The following INO80 variants were observed in gnomAD, a reference collection of about 807,000 sequenced individuals.
The protein encoded by INO80 is chromatin-remodeling ATPase INO80.
INO80 carries 20 observed loss-of-function variants against 203.4 expected under a neutral mutation model. The observed-to-expected ratio is 0.10, with a 90% CI of 0.07 to 0.14. The LOEUF (loss-of-function observed/expected upper bound fraction) is 0.14, where lower values mean the gene tolerates loss of function less well. Ranked by LOEUF, INO80 falls within the 10% of genes least tolerant of loss-of-function variation. INO80 has a pLI of 1.00. For missense variants in INO80, 1,419 were observed against 1,914.4 expected, an observed-to-expected ratio of 0.74 and a Z score of 4.83; for synonymous variants, 726 against 685.2, an observed-to-expected ratio of 1.06 and a Z score of -0.93.
chr15:41,080,533 G>A (rs1402952636), intron 8 of INO80, among the ~76,000 whole-genome samples: 2 of 152,196 alleles, frequency 1.3e-5, no homozygotes, highest in East Asian at 3.9e-4. Flanking sequence ...TCAAATACCA[G>A]AAATGTGAGG....
chr15:41,079,061 T>C (rs1021865850), intron 9 of INO80, among the ~76,000 whole-genome samples: 1 of 152,158 alleles, frequency 6.6e-6, no homozygotes, highest in African/African-American at 2.4e-5. Flanking sequence ...ATTGCTTGAA[T>C]GTGGGAGGCA....
intron 29 of INO80, among the ~76,000 whole-genome samples, chr15:40,995,185 T>C: frequency 6.6e-6 from 1 of 152,210 alleles, no homozygotes; most frequent in African/African-American, 2.4e-5. Flanking sequence ...CTTCCTTCCA[T>C]TGTTGAGGCC....
At chr15:41,054,528 T>C (rs1199501282) in intron 18 of INO80, among the ~76,000 whole-genome samples, 11 of 152,112 alleles carry the variant, frequency 7.2e-5, no homozygotes, top group Non-Finnish European at 1.2e-4. Context: ...TTCTAATACA[T>C]AGAGAAAAAT....
At chr15:41,084,736 T>G (rs1463718972) in intron 7 of INO80, among the ~76,000 whole-genome samples, 1 of 152,188 alleles carries the variant, frequency 6.6e-6, no homozygotes, top group East Asian at 1.9e-4. Context: ...ATTTAATTTT[T>G]GAGATAAAAT....
At chr15:41,020,771 A>C in intron 26 of INO80, 129 bp downstream of exon 26, 4 of 599,050 alleles carry the variant, frequency 6.7e-6, no homozygotes, top group Non-Finnish European at 1.2e-5. Context: ...ATGAATTACT[A>C]AGGCCAAAAA....
Position 41,090,563 on chromosome 15 carries a change from G to A in INO80, c.537+1464C>T, listed in dbSNP as rs182949533. On this transcript the variant is annotated intron_variant, in intron 5 of 35. Coordinates refer to ENST00000648947, the MANE Select transcript of INO80 (RefSeq NM_017553.3). ...TGCACTCCAGCCTGGGCAACAGAGC[G>A]AGACTCTGTCCAAAAAAAAGAAAAA... Among the ~76,000 whole-genome samples the A allele has an allele frequency of 2.9e-3, 437 of 152,164 alleles. 1 individual carries two copies. The highest frequency in any genetic ancestry group is 0.01 in the African/African-American group (418 of 41,516).
chr15:41,050,228 C>G (rs2044846860), intron 19 of INO80, 126 bp from the exon 20 acceptor site: 2 of 605,870 alleles, frequency 3.3e-6, no homozygotes, highest in East Asian at 2.8e-5. Flanking sequence ...AACTCAGTAT[C>G]TCTATAAACC....
chr15:41,009,390 A>G (rs1327319368), intron 27 of INO80, among the ~76,000 whole-genome samples: 1 of 53,246 alleles, frequency 1.9e-5, no homozygotes. Context: ...CCCTCCCCCC[A>G]CCCCACAACA....
rs577950162 is a variant in INO80 at position 40,983,785 on chromosome 15, C to G, written c.4214G>C (p.Gly1405Ala). The change falls in exon 34 of 36, where the codon GGC becomes GCC. Residue 1405 changes from glycine (G) to alanine (A), a missense_variant. Around this residue, in one of 9 missense-constraint regions of INO80, gnomAD observed 214 missense variants for 248.9 expected, o/e 0.86. Coordinates refer to ENST00000648947, the MANE Select transcript of INO80 (RefSeq NM_017553.3). ...RATNSPASIT[G>A]SVSDTVNGIS... is the part of the protein sequence containing the mutation. ...ACCATTCACGGTATCTGAGACGGAGCCTGTTATGGATGCGGGAGAGTTGGT... is the reference window on the plus strand; with the variant it reads ...ACCATTCACGGTATCTGAGACGGAGGCTGTTATGGATGCGGGAGAGTTGGT... 1 of 1,612,436 alleles carries G rather than the reference C, an allele frequency of 6.2e-7. No individual in the cohort carries two copies. Among genetic ancestry groups the G allele is most frequent in the Admixed American group, 1.7e-5 (1 of 60,000 alleles).
At chr15:41,094,731 T>C (rs534830685) in intron 4 of INO80, among the ~76,000 whole-genome samples, 3 of 152,320 alleles carry the variant, frequency 2.0e-5, no homozygotes, top group East Asian at 3.9e-4. Flanking sequence ...TTGTACTTCC[T>C]GTTTCCCCTC....
rs200064542 is a variant in INO80, at chr15:41,005,959, T to A, written c.3403-272A>T. 1.5e-5 allele frequency among the ~76,000 whole-genome samples: 2 copies of A among 131,442 alleles called. No homozygotes were observed. The allele number at this position is 131,442 out of a possible 152,430, so 86.2% of individuals were successfully genotyped here. On this transcript the variant is annotated intron_variant, in intron 27 of 35. Transcript: ENST00000648947. Reference sequence around the variant, plus strand: ...TCCTGTAAATTCCTGTAGGTTTCATTAAAAAAAAAAAAAAAAAAAATTCCA... The same window carrying A: ...TCCTGTAAATTCCTGTAGGTTTCATAAAAAAAAAAAAAAAAAAAAATTCCA...
intron 25 of INO80, among the ~76,000 whole-genome samples, chr15:41,026,021 G>C (rs1039048399): frequency 2.0e-5 from 3 of 152,100 alleles, no homozygotes; most frequent in African/African-American, 7.2e-5. Flanking sequence ...ATACTTTCTG[G>C]ATAGCCAGTA....
At chr15:41,021,235 G>C (rs2044289708) in intron 25 of INO80, 110 bp from the exon 26 acceptor site, 7 of 709,382 alleles carry the variant, frequency 9.9e-6, no homozygotes, top group Non-Finnish European at 1.7e-5. Flanking sequence ...TCTTAGACTA[G>C]TGGTTTTAAA....
intron 24 of INO80, 151 bp downstream of exon 24, chr15:41,044,753 T>C: frequency 3.3e-6 from 2 of 597,514 alleles, no homozygotes; most frequent in South Asian, 5.2e-5. Flanking sequence ...AAAGTGTAAA[T>C]TAAGTTAGAA....
rs1195671483 is a variant in INO80 at position 41,095,766 on chromosome 15, T to C, written c.306A>G (p.Leu102=). ...MLNTYSLNGV[L]QSESKCDKGN... Reference sequence around the variant, plus strand: ...ATGTCACACCACACTGACCTGACTGTAGAACTCCATTCAGAGAATATGTGT... The same window carrying C: ...ATGTCACACCACACTGACCTGACTGCAGAACTCCATTCAGAGAATATGTGT... Residue 102 remains leucine, a synonymous_variant, in exon 3 of 36, where the codon CTA becomes CTG. Transcript: ENST00000648947. 1.2e-6 allele frequency: 2 copies of C among 1,614,100 alleles called. No homozygotes were observed. The highest frequency in any genetic ancestry group is 1.7e-5 in the Admixed American group (1 of 60,004).
At position 41,085,407 on chromosome 15, in the gene INO80, T is replaced by C. The variant is rs750557864; in HGVS notation, c.835A>G (p.Lys279Glu). 1 of 1,614,198 alleles carries C rather than the reference T, an allele frequency of 6.2e-7. No individual in the cohort carries two copies. ...SIEQLNARRR[K>E]VWLSIVKKEL... Reference sequence around the variant, plus strand: ...TTTTTCACAATGCTGAGCCATACTTTCCTGCGACGAGCATTCAGCTGCTCA... The same window carrying C: ...TTTTTCACAATGCTGAGCCATACTTCCCTGCGACGAGCATTCAGCTGCTCA... The change falls in exon 7 of 36, where the codon AAA becomes GAA. Residue 279 changes from lysine (K) to glutamate (E), a missense_variant. By Grantham distance (56) the Lys-to-Glu change is moderately conservative (BLOSUM62 1). Around this residue, in one of 9 missense-constraint regions of INO80, gnomAD observed 323 missense variants for 325.4 expected, o/e 0.99. Transcript: ENST00000648947.
intron 28 of INO80, among the ~76,000 whole-genome samples, chr15:41,001,916 A>G (rs2043964679): frequency 6.6e-6 from 1 of 152,216 alleles, no homozygotes; most frequent in South Asian, 2.1e-4. Context: ...CTTGTGTCCA[A>G]AAACACCTGT....
chr15:41,008,324 C>T (rs1224132567), intron 27 of INO80, among the ~76,000 whole-genome samples: 1 of 151,804 alleles, frequency 6.6e-6, no homozygotes, highest in Non-Finnish European at 1.5e-5. Context: ...TAAAATATGC[C>T]AGACATGGAA....
intron 16 of INO80, 140 bp downstream of exon 16, chr15:41,058,498 TA>T: frequency 2.5e-6 from 2 of 806,578 alleles, no homozygotes; most frequent in Non-Finnish European, 1.8e-6. Context: ...TTGTCTCTAT[TA>T]AAAAAATTAA....
Sources: allele counts gnomAD v4.1 joint callset (sites outside exome capture counted in the v4.1 genomes callset), GRCh38; gene constraint gnomAD v4.1.1; regional missense constraint gnomAD v4.1.1; transcripts MANE v1.5; gene names NCBI Gene and HGNC (gene_info 2026-07-23, HGNC 2026-07-21).